Variants in NEMP2 observed in about 807,000 individuals in gnomAD.
NEMP2 encodes nuclear envelope integral membrane protein 2.
NEMP2 carries 53 observed loss-of-function variants against 54.2 expected under a neutral mutation model. The observed-to-expected ratio is 0.98, with a 90% confidence interval of 0.78 to 1.23. The LOEUF is 1.23. NEMP2 is among the 50% of genes most tolerant of loss of function. NEMP2 has a pLI of 0.00. For missense variants in NEMP2, 455 were observed against 511.3 expected, an observed-to-expected ratio of 0.89 and a Z score of 1.06; for synonymous variants, 197 against 190.3, an observed-to-expected ratio of 1.04 and a Z score of -0.29.
chr2:190,436,953 C>A, the NEMP2 span: 1 of 1,614,176 alleles, frequency 6.2e-7, no homozygotes, highest in Non-Finnish European at 8.5e-7. This position sits in a 1 kb window ranked among gnomAD's most constrained non-coding sequence, Gnocchi z 5.3. Context: ...CTGTCACAAT[C>A]GTAGACACGG....
At chr2:190,428,424 A>G in the NEMP2 span, among the ~76,000 whole-genome samples, 16 of 152,324 alleles carry the variant, frequency 1.1e-4, no homozygotes, top group Admixed American at 3.3e-4. Context: ...CCAGCAATCT[A>G]TGAGAGTTCT....
chr2:190,518,678 A>G (rs1239249129), intron 4 of NEMP2, 58 bp downstream of exon 4: 9 of 1,364,988 alleles, frequency 6.6e-6, no homozygotes, highest in East Asian at 5.0e-5. Flanking sequence ...CATGTGGTCA[A>G]AAATGATCTA....
chr2:190,541,154 AAAAC>A, the NEMP2 span, among the ~76,000 whole-genome samples: 11 of 147,368 alleles, frequency 7.5e-5, no homozygotes, highest in Admixed American at 4.3e-4. This position sits in a 1 kb window ranked among gnomAD's most constrained non-coding sequence, Gnocchi z 5.2. Flanking sequence ...TCTTTTCAAA[AAAAC>A]AATTTCATTT....
At chr2:190,481,898 T>A in the NEMP2 span, among the ~76,000 whole-genome samples, 1 of 152,354 alleles carries the variant, frequency 6.6e-6, no homozygotes, top group Admixed American at 6.5e-5. Context: ...GGTGTATTGC[T>A]GTTAGTAGCC....
chr2:190,562,042 T>C, the NEMP2 span, among the ~76,000 whole-genome samples: 1 of 152,166 alleles, frequency 6.6e-6, no homozygotes, highest in Non-Finnish European at 1.5e-5. This position sits in a 1 kb window ranked among gnomAD's most constrained non-coding sequence, Gnocchi z 5.0. Context: ...TTTCAAAGGG[T>C]AATTAAAGGA....
At chr2:190,575,978 CT>C in the NEMP2 span, among the ~76,000 whole-genome samples, 318 of 143,628 alleles carry the variant, frequency 2.2e-3, no homozygotes, top group Admixed American at 2.8e-3. Context: ...TTCTGGTTTA[CT>C]TTTTTTTTTT....
chr2:190,497,173 T>C, the NEMP2 span, among the ~76,000 whole-genome samples: 1 of 152,194 alleles, frequency 6.6e-6, no homozygotes, highest in East Asian at 1.9e-4. The surrounding 1 kb of genome is among the most constrained non-coding windows in gnomAD (Gnocchi z 5.2). Context: ...GCCCCACTGA[T>C]GTTCTAAGTT....
the NEMP2 span, chr2:190,435,931 G>T: frequency 7.0e-7 from 1 of 1,430,878 alleles, no homozygotes; most frequent in Non-Finnish European, 9.4e-7. Context: ...GTGTTTACAT[G>T]TTATGATTTT....
Position 190,510,269 on chromosome 2 carries a change from T to C in NEMP2, c.1130+92A>G. 7.0e-7 allele frequency: 1 copy of C among 1,434,074 alleles called. No homozygotes were observed. Among genetic ancestry groups the C allele is most frequent in the South Asian group, 1.3e-5 (1 of 74,542 alleles). 88.8% of individuals were successfully genotyped at this position (1,434,074 alleles called of 1,614,324 possible). ...ATCTGTTATCCAGGGAAACAGTCTA[T>C]TTCTACCCTGAAGTGCCTGTACCAA... On this transcript the variant is annotated intron_variant, in intron 8 of 8. Coordinates refer to ENST00000409150, the MANE Select transcript of NEMP2 (RefSeq NM_001142645.2). The surrounding 1 kb of genome is among the most constrained non-coding windows in gnomAD (Gnocchi z 5.7).
chr2:190,525,587 T>C lies in NEMP2; in HGVS notation c.98-209A>G, dbSNP rs776232651. 2.0e-5 allele frequency among the ~76,000 whole-genome samples: 3 copies of C among 152,090 alleles called. No individual in the cohort carries two copies. Among genetic ancestry groups the C allele is most frequent in the Non-Finnish European group, 4.4e-5 (3 of 68,026 alleles). On this transcript the variant is annotated intron_variant, in intron 1 of 8. Transcript: ENST00000409150. The surrounding 1 kb of genome is among the most constrained non-coding windows in gnomAD (Gnocchi z 5.0). ...GCCCAAGTGTCAATATTTATGACAT[T>C]GGAGGGCACTATAAGAGCACAGAGA...
chr2:190,452,197 G>A, the NEMP2 span, among the ~76,000 whole-genome samples: 1 of 152,070 alleles, frequency 6.6e-6, no homozygotes, highest in Non-Finnish European at 1.5e-5. Flanking sequence ...GGACGTTGCA[G>A]TGAGCCGAGA....
the NEMP2 span, among the ~76,000 whole-genome samples, chr2:190,591,673 A>G: frequency 2.0e-5 from 3 of 152,344 alleles, no homozygotes; most frequent in African/African-American, 7.2e-5. This position sits in a 1 kb window ranked among gnomAD's most constrained non-coding sequence, Gnocchi z 5.4. Flanking sequence ...CTTCACACAC[A>G]TGCGATAGCT....
chr2:190,563,303 C>A, the NEMP2 span, among the ~76,000 whole-genome samples: 1 of 152,118 alleles, frequency 6.6e-6, no homozygotes, highest in African/African-American at 2.4e-5. This position sits in a 1 kb window ranked among gnomAD's most constrained non-coding sequence, Gnocchi z 4.3. Context: ...CCCACTCAAC[C>A]ACCTTCTTGT....
the NEMP2 span, among the ~76,000 whole-genome samples, chr2:190,489,161 A>C: frequency 6.6e-6 from 1 of 152,242 alleles, no homozygotes; most frequent in Non-Finnish European, 1.5e-5. The surrounding 1 kb of genome is among the most constrained non-coding windows in gnomAD (Gnocchi z 6.6). Context: ...TAAAGGAAAT[A>C]AAATTCATCA....
At chr2:190,494,773 G>A in the NEMP2 span, among the ~76,000 whole-genome samples, 1 of 152,122 alleles carries the variant, frequency 6.6e-6, no homozygotes, top group Non-Finnish European at 1.5e-5. The surrounding 1 kb of genome is among the most constrained non-coding windows in gnomAD (Gnocchi z 5.7). Context: ...AGTAGACGCA[G>A]AAAAAGCATT....
At chr2:190,605,525 C>T in the NEMP2 span, among the ~76,000 whole-genome samples, 1 of 152,176 alleles carries the variant, frequency 6.6e-6, no homozygotes, top group Non-Finnish European at 1.5e-5. Flanking sequence ...CAGGCCCCCA[C>T]CACCACACCC....
At chr2:190,483,835 CAA>C in the NEMP2 span, among the ~76,000 whole-genome samples, 86 of 86,642 alleles carry the variant, frequency 9.9e-4, 1 homozygote, top group African/African-American at 2.5e-3. Context: ...AACTCATTTT[CAA>C]AAAAAAAAAA....
intron 5 of NEMP2, among the ~76,000 whole-genome samples, chr2:190,516,877 G>A (rs1349795422): frequency 6.6e-6 from 1 of 152,116 alleles, no homozygotes; most frequent in Non-Finnish European, 1.5e-5. Context: ...GATCGCTGGA[G>A]CTCAGGAGTT....
chr2:190,421,503 C>G, the NEMP2 span, among the ~76,000 whole-genome samples: 1 of 152,068 alleles, frequency 6.6e-6, no homozygotes, highest in Non-Finnish European at 1.5e-5. Flanking sequence ...AGGTTACAAA[C>G]CAAAACAAAA....
Sources: allele counts gnomAD v4.1 joint callset (sites outside exome capture counted in the v4.1 genomes callset), GRCh38; gene constraint gnomAD v4.1.1; non-coding constraint Gnocchi (gnomAD v3.1); transcripts MANE v1.5; gene names NCBI Gene and HGNC (gene_info 2026-07-23, HGNC 2026-07-21).